BAIAP2: variants seen among roughly 807,000 people sequenced by gnomAD.
BAIAP2 encodes BAR/IMD domain-containing adapter protein 2.
Under a neutral mutation model 63.0 loss-of-function variants are expected in BAIAP2, and 18 were observed. The observed-to-expected ratio is 0.29, with a 90% confidence interval of 0.20 to 0.42. The LOEUF is 0.42. BAIAP2 is among the 10% of genes least tolerant of loss of function. BAIAP2 has a pLI of 1.00. For synonymous variants in BAIAP2, 386 were observed against 307.6 expected, an observed-to-expected ratio of 1.25 and a Z score of -2.67; for missense variants, 610 against 734.3, an observed-to-expected ratio of 0.83 and a Z score of 1.96.
intron 3 of BAIAP2, among the ~76,000 whole-genome samples, chr17:81,072,703 G>T (rs1367040458): frequency 6.6e-6 from 1 of 152,162 alleles, no homozygotes; most frequent in Admixed American, 6.5e-5. Flanking sequence ...CAGGCGGGCG[G>T]ACGCTGTCTG....
chr17:81,073,427 A>G (rs1358390697), intron 3 of BAIAP2, among the ~76,000 whole-genome samples: 1 of 152,080 alleles, frequency 6.6e-6, no homozygotes, highest in Non-Finnish European at 1.5e-5. Flanking sequence ...GCAGTCACCA[A>G]GCTGGTCTCG....
chr17:81,041,567 C>T (rs548462080), intron 1 of BAIAP2, among the ~76,000 whole-genome samples: 4 of 151,792 alleles, frequency 2.6e-5, no homozygotes, highest in African/African-American at 9.7e-5. Context: ...TTTGTTTTTT[C>T]TGTTTTGTTT....
At chr17:81,058,639 C>G (rs1451169664) in intron 3 of BAIAP2, among the ~76,000 whole-genome samples, 1 of 152,206 alleles carries the variant, frequency 6.6e-6, no homozygotes, top group South Asian at 2.1e-4. Context: ...GCTCCCAGAG[C>G]GAGCTGTGGC....
At chr17:81,104,152 C>T in intron 9 of BAIAP2, 44 bp downstream of exon 9, 1 of 1,595,256 alleles carries the variant, frequency 6.3e-7, no homozygotes, top group Non-Finnish European at 8.6e-7. Context: ...CCTGGACGTG[C>T]CTCCTCAGAC....
At chr17:81,110,066 CCA>C (rs2059721031) in intron 13 of BAIAP2, 1 of 985,500 alleles carries the variant, frequency 1.0e-6, no homozygotes. Context: ...TTGTCTCTTC[CCA>C]CACTGAACTC....
chr17:81,045,984 A>C (rs768445459), intron 1 of BAIAP2, among the ~76,000 whole-genome samples: 17 of 152,120 alleles, frequency 1.1e-4, no homozygotes, highest in Non-Finnish European at 2.4e-4. Context: ...GCGGGGTCTC[A>C]TGGCCTGGGG....
chr17:81,076,867 A>G (rs1433122957), intron 3 of BAIAP2, among the ~76,000 whole-genome samples: 1 of 152,162 alleles, frequency 6.6e-6, no homozygotes, highest in South Asian at 2.1e-4. Context: ...GCTCCTCGAG[A>G]GGCTGGGGCC....
rs565336593 is a variant in BAIAP2, at chr17:81,094,959, G to A, written c.490-4969G>A. Among the ~76,000 whole-genome samples, 13 of 152,360 alleles carry A rather than the reference G, an allele frequency of 8.5e-5. No homozygotes were observed. In the South Asian group the frequency reaches 2.3e-3, roughly 27 times the overall value. On this transcript the variant is annotated intron_variant, in intron 6 of 13. Transcript: ENST00000428708. The stretch of plus-strand genomic sequence containing the variant: ...GTGGCGGATGAGGTAAACCAAAGCC[G>A]CCTTGGTTTTTTCTGGAATGCCCCT...
intron 3 of BAIAP2, among the ~76,000 whole-genome samples, chr17:81,064,194 C>G (rs965823446): frequency 1.3e-5 from 2 of 152,272 alleles, no homozygotes; most frequent in African/African-American, 4.8e-5. Context: ...CCTTTTCTTT[C>G]CCATGTGGCA....
rs1270642674 is a variant in BAIAP2, at chr17:81,053,649, C to T, written c.55-19C>T. ...GTGACCTCTGCCAGTAATGCTGTTT[C>T]TTCTCTGCTTTCTTCCAGACCATCA... On this transcript the variant is annotated intron_variant, in intron 1 of 13. Coordinates refer to ENST00000428708, the MANE Select transcript of BAIAP2 (RefSeq NM_001144888.2). 7 of 1,613,860 alleles carry T rather than the reference C, an allele frequency of 4.3e-6. No homozygotes were observed. The South Asian group carries it at 6.6e-5, about 15-fold the overall frequency.
chr17:81,109,728 C>G lies in BAIAP2; in HGVS notation c.1535+1219C>G, dbSNP rs1026293996. On this transcript the variant is annotated intron_variant, in intron 13 of 13. Transcript: ENST00000428708. Reference sequence around the variant, plus strand: ...GCGGCACAGTGGCCTCACCTCCCGTCGGGCACTGGCGGGAGCAAGGTCGGG... The same window carrying G: ...GCGGCACAGTGGCCTCACCTCCCGTGGGGCACTGGCGGGAGCAAGGTCGGG... 4.1e-6 allele frequency: 4 copies of G among 985,300 alleles called. No individual in the cohort carries two copies. The African/African-American group carries it at 5.2e-5, about 13-fold the overall frequency. The allele number at this position is 985,300 out of a possible 1,614,324, so 61.0% of individuals were successfully genotyped here. A position where few individuals can be genotyped will look rare whatever the true frequency, so the allele number is the denominator to read the frequency against.
In BAIAP2 at chr17:81,108,455, G is replaced by T. The variant is rs765436953; in HGVS notation, c.1501-20G>T. On this transcript the variant is annotated intron_variant, in intron 12 of 13. Transcript: ENST00000428708. Reference sequence around the variant, plus strand: ...CAGGCCCCGTCACCCGGCCTGACATGTTTCTGCCTCTGCCCCCAGGGCCTG... The same window carrying T: ...CAGGCCCCGTCACCCGGCCTGACATTTTTCTGCCTCTGCCCCCAGGGCCTG... The T allele has an allele frequency of 8.7e-6, 14 of 1,613,556 alleles. No homozygotes were observed. The highest frequency in any genetic ancestry group is 1.2e-5 in the Non-Finnish European group (14 of 1,179,994).
chr17:81,109,002 C>A, intron 13 of BAIAP2: 2 of 1,546,750 alleles, frequency 1.3e-6, no homozygotes, highest in Non-Finnish European at 8.7e-7. Flanking sequence ...AGTGTGAGGA[C>A]GCTGACCCCG....
chr17:81,041,777 C>T (rs1478078264), intron 1 of BAIAP2, among the ~76,000 whole-genome samples: 11 of 152,130 alleles, frequency 7.2e-5, no homozygotes, highest in Admixed American at 5.9e-4. Flanking sequence ...TTTCCATGTT[C>T]GTCAGGCTGG....
chr17:81,114,136 A>ATTT lies in BAIAP2; in HGVS notation c.1536-1617_1536-1615dup, dbSNP rs58461450. Among the ~76,000 whole-genome samples the ATTT allele has an allele frequency of 7.4e-4, 92 of 124,632 alleles. 2 individuals carry two copies. Among genetic ancestry groups the ATTT allele is most frequent in the African/African-American group, 2.3e-3 (73 of 31,902 alleles). The allele number at this position is 124,632 out of a possible 152,430, so 81.8% of individuals were successfully genotyped here. A position where few individuals can be genotyped will look rare whatever the true frequency, so the allele number is the denominator to read the frequency against. On this transcript the variant is annotated intron_variant, in intron 13 of 13. Coordinates refer to ENST00000428708, the MANE Select transcript of BAIAP2 (RefSeq NM_001144888.2). ...TGCACCACTCTCCCGCACCTGCCTA[A>ATTT]TTTTTTTTTTTTTTTTTTTGTAGAG...
chr17:81,055,624 G>C (rs1444068381), intron 2 of BAIAP2, among the ~76,000 whole-genome samples: 1 of 140,204 alleles, frequency 7.1e-6, no homozygotes, highest in African/African-American at 2.6e-5. Flanking sequence ...AGACTGCAGT[G>C]GCGCTATCTT....
chr17:81,042,370 G>A (rs1238417128), intron 1 of BAIAP2, among the ~76,000 whole-genome samples: 1 of 151,556 alleles, frequency 6.6e-6, no homozygotes, highest in East Asian at 1.9e-4. Flanking sequence ...TGCCCAGGCT[G>A]GTCTTGAACT....
At chr17:81,035,458 G>A in intron 1 of BAIAP2, 150 bp downstream of exon 1, 1 of 320,028 alleles carries the variant, frequency 3.1e-6, no homozygotes, top group Non-Finnish European at 4.5e-6. Context: ...GCGGCCACCC[G>A]GGACCCGGGC....
chr17:81,049,341 G>A (rs939243054), intron 1 of BAIAP2, among the ~76,000 whole-genome samples: 1 of 152,218 alleles, frequency 6.6e-6, no homozygotes, highest in African/African-American at 2.4e-5. Flanking sequence ...GTGTCCCTGA[G>A]CGCCCTCAGT....
Sources: allele counts gnomAD v4.1 joint callset (sites outside exome capture counted in the v4.1 genomes callset), GRCh38; gene constraint gnomAD v4.1.1; transcripts MANE v1.5; gene names NCBI Gene and HGNC (gene_info 2026-07-23, HGNC 2026-07-21).